ELMOD1: variants seen among roughly 807,000 people sequenced by gnomAD.
ELMOD1 encodes ELMO domain-containing protein 1.
Under a neutral mutation model 46.7 loss-of-function variants are expected in ELMOD1, and 21 were observed. The observed-to-expected ratio is 0.45, with a 90% confidence interval of 0.32 to 0.65. ELMOD1 has a LOEUF of 0.65. Ranked by LOEUF, ELMOD1 falls within the 30% of genes least tolerant of loss-of-function variation. The pLI is 0.04. For missense variants in ELMOD1, 348 were observed against 407.8 expected (o/e 0.85, Z 1.26); for synonymous variants, 122 against 138.2 (o/e 0.88, Z 0.82).
chr11:107,633,319 C>T (rs1866173146), intron 5 of ELMOD1, among the ~76,000 whole-genome samples: 1 of 152,158 alleles, frequency 6.6e-6, no homozygotes, highest in Admixed American at 6.5e-5. Flanking sequence ...ATGGGGGAAA[C>T]ACTTTATAAC....
At chr11:107,625,973 A>G (rs980465232) in intron 2 of ELMOD1, among the ~76,000 whole-genome samples, 7 of 152,236 alleles carry the variant, frequency 4.6e-5, no homozygotes, top group African/African-American at 1.7e-4. Flanking sequence ...ATTAAAAAAC[A>G]GAAATAAACA....
chr11:107,639,081 T>TC (rs1850290244), intron 6 of ELMOD1, among the ~76,000 whole-genome samples: 1 of 152,156 alleles, frequency 6.6e-6, no homozygotes, highest in Admixed American at 6.5e-5. Context: ...GCCCAGGAAG[T>TC]CAAGGCTACA....
At chr11:107,601,928 A>G (rs1865607107) in intron 1 of ELMOD1, among the ~76,000 whole-genome samples, 1 of 152,130 alleles carries the variant, frequency 6.6e-6, no homozygotes, top group Non-Finnish European at 1.5e-5. Flanking sequence ...ATTTGCCATC[A>G]TTCTAAGAAA....
rs895703571 is a variant in ELMOD1, at chr11:107,591,226, C to G, written c.-269C>G. 6.6e-5 allele frequency: 10 copies of G among 152,352 alleles called. No individual in the cohort carries two copies. The highest frequency in any genetic ancestry group is 6.6e-4 in the Admixed American group (10 of 15,264). 9.4% of individuals were successfully genotyped at this position (152,352 alleles called of 1,614,324 possible). ...CGCGACCCAGATTCCTGCCCCGCCC[C>G]CGCCCCTTCCGCGCCCGCAGCCAGT... On this transcript the variant is annotated 5_prime_UTR_variant, in exon 1 of 12. Transcript: ENST00000265840.
intron 1 of ELMOD1, among the ~76,000 whole-genome samples, chr11:107,608,862 A>G (rs1865730898): frequency 6.6e-6 from 1 of 152,158 alleles, no homozygotes; most frequent in South Asian, 2.1e-4. Flanking sequence ...GATTATCCCT[A>G]GCTTTGCAGT....
rs1866502922 is a variant in ELMOD1 at position 107,650,312 on chromosome 11, G to C, written c.555-23G>C. 3.2e-6 allele frequency: 5 copies of C among 1,546,816 alleles called. No homozygotes were observed. In the South Asian group the frequency reaches 6.0e-5, roughly 18 times the overall value. ...GCGAGTAAGCAAGTATAGAGTTACG[G>C]TTTTCTTTCCCTCCCGCTGCAGGTA... On this transcript the variant is annotated intron_variant, in intron 7 of 11. Transcript: ENST00000265840.
intron 4 of ELMOD1, 140 bp from the exon 5 acceptor site, chr11:107,631,440 A>G (rs188189171): frequency 8.9e-5 from 19 of 213,828 alleles, no homozygotes; most frequent in African/African-American, 3.8e-4. Context: ...TTAGAATTCA[A>G]GTACGCTAAA....
intron 10 of ELMOD1, 62 bp downstream of exon 10, chr11:107,654,284 G>C: frequency 7.1e-7 from 1 of 1,403,878 alleles, no homozygotes. Context: ...ACTAGAACTA[G>C]AGTATCATGA....
intron 11 of ELMOD1, among the ~76,000 whole-genome samples, chr11:107,660,796 C>T (rs1866725989): frequency 6.6e-6 from 1 of 152,262 alleles, no homozygotes; most frequent in Non-Finnish European, 1.5e-5. Flanking sequence ...TTTTCTCCCT[C>T]TCCTTTCCAT....
intron 1 of ELMOD1, among the ~76,000 whole-genome samples, chr11:107,613,640 G>C (rs1865815907): frequency 6.6e-6 from 1 of 152,146 alleles, no homozygotes; most frequent in Non-Finnish European, 1.5e-5. Context: ...ACATCATTAT[G>C]AAATAAAATT....
chr11:107,633,245 A>G (rs575783259), intron 5 of ELMOD1, among the ~76,000 whole-genome samples: 1 of 152,244 alleles, frequency 6.6e-6, no homozygotes, highest in African/African-American at 2.4e-5. Flanking sequence ...ACAGAGCGAC[A>G]TTGATAAGCT....
At chr11:107,623,176 C>T (rs2135679410) in intron 2 of ELMOD1, 1 of 152,172 alleles carries the variant, frequency 6.6e-6, no homozygotes, top group South Asian at 2.1e-4. Flanking sequence ...CTTCCTGTGT[C>T]CATACACACA....
At chr11:107,658,110 T>C (rs1366302414) in intron 11 of ELMOD1, among the ~76,000 whole-genome samples, 2 of 152,214 alleles carry the variant, frequency 1.3e-5, no homozygotes, top group Non-Finnish European at 2.9e-5. Flanking sequence ...AAAAATTTTT[T>C]AATCAAGTAA....
chr11:107,605,779 A>T (rs1372535578), intron 1 of ELMOD1, among the ~76,000 whole-genome samples: 1 of 152,236 alleles, frequency 6.6e-6, no homozygotes, highest in Non-Finnish European at 1.5e-5. Context: ...CAGGCTAGTC[A>T]CTGGGAGAGG....
At position 107,635,631 on chromosome 11, in the gene ELMOD1, C is replaced by T. The variant is rs200189303; in HGVS notation, c.291-5C>T. 19 of 1,612,188 alleles carry T rather than the reference C, an allele frequency of 1.2e-5. No individual in the cohort carries two copies. The East Asian group carries it at 4.0e-4, about 34-fold the overall frequency. On this transcript the variant is annotated splice_region_variant and splice_polypyrimidine_tract_variant and intron_variant, in intron 5 of 11. Coordinates refer to ENST00000265840, the MANE Select transcript of ELMOD1 (RefSeq NM_018712.4). ...GTGTGTCTCTTCTGTTTTTGAACAC[C>T]CTAGGCTGGGAATCTCTCTTCAGGC...
intron 1 of ELMOD1, among the ~76,000 whole-genome samples, chr11:107,599,353 AACTCG>A (rs1015889619): frequency 1.8e-4 from 12 of 66,738 alleles, no homozygotes; most frequent in Admixed American, 1.8e-4. Context: ...TTTTCTGCTC[AACTCG>A]TCTACCATAT....
At chr11:107,660,317 A>AATTT (rs373617369) in intron 11 of ELMOD1, among the ~76,000 whole-genome samples, 3 of 152,192 alleles carry the variant, frequency 2.0e-5, no homozygotes, top group African/African-American at 7.2e-5. Context: ...AGAATAGAAG[A>AATTT]ATATAATAGC....
At chr11:107,607,656 A>AAAACAAAC (rs57709612) in intron 1 of ELMOD1, among the ~76,000 whole-genome samples, 9 of 151,696 alleles carry the variant, frequency 5.9e-5, no homozygotes, top group South Asian at 2.1e-4. Flanking sequence ...GAACCTGTCT[A>AAAACAAAC]AAACAAACAA....
intron 6 of ELMOD1, among the ~76,000 whole-genome samples, chr11:107,645,550 C>G (rs979332577): frequency 1.3e-5 from 2 of 152,014 alleles, no homozygotes; most frequent in Non-Finnish European, 2.9e-5. Context: ...GTCTCGAACT[C>G]CTGACCTGAA....
Sources: gnomAD v4.1 joint callset for allele counts (sites outside exome capture counted in the v4.1 genomes callset) on GRCh38, gnomAD v4.1.1 for gene constraint, MANE v1.5 for transcripts, NCBI Gene and HGNC (gene_info 2026-07-23, HGNC 2026-07-21) for gene names.